NR3C2: variants seen among roughly 807,000 people sequenced by gnomAD.
The protein encoded by NR3C2 is mineralocorticoid receptor.
In NR3C2, 15 loss-of-function variants were observed where a neutral mutation model predicts 86.4. That is an observed-to-expected ratio of 0.17 (90% confidence interval 0.12 to 0.27). NR3C2 has a LOEUF of 0.27. Among genes scored for constraint, NR3C2 ranks in the 10% least tolerant of loss-of-function variants. The pLI, the probability that NR3C2 is intolerant of heterozygous loss-of-function variation, is 1.00. For missense variants in NR3C2, 960 were observed against 1,195.6 expected, an observed-to-expected ratio of 0.80 and a Z score of 2.91; for synonymous variants, 458 against 450.5, an observed-to-expected ratio of 1.02 and a Z score of -0.21.
intron 4 of NR3C2, among the ~76,000 whole-genome samples, chr4:148,159,221 AT>A (rs1463103203): frequency 6.6e-6 from 1 of 152,186 alleles, no homozygotes; most frequent in Non-Finnish European, 1.5e-5. Flanking sequence ...TGTTGAATAA[AT>A]TGACCTTATT....
intron 6 of NR3C2, among the ~76,000 whole-genome samples, chr4:148,122,862 A>C (rs941846934): frequency 5.3e-5 from 8 of 152,164 alleles, no homozygotes; most frequent in Non-Finnish European, 1.2e-4. Context: ...ATTGATTGTA[A>C]AACGTGTGTT....
chr4:148,211,364 G>C (rs748640440), intron 3 of NR3C2, among the ~76,000 whole-genome samples: 2 of 152,206 alleles, frequency 1.3e-5, no homozygotes, highest in African/African-American at 4.8e-5. Context: ...GATCACACGA[G>C]AATCTTTAAA....
chr4:148,196,058 G>A (rs1736427263), intron 3 of NR3C2, among the ~76,000 whole-genome samples: 1 of 152,168 alleles, frequency 6.6e-6, no homozygotes, highest in South Asian at 2.1e-4. Context: ...CCAGGGGTAG[G>A]AGGCAATTAT....
At chr4:148,107,389 CT>C (rs1448163622) in intron 8 of NR3C2, among the ~76,000 whole-genome samples, 1 of 152,206 alleles carries the variant, frequency 6.6e-6, no homozygotes, top group East Asian at 1.9e-4. Context: ...TGCTTTTACA[CT>C]GTTGGTGGGA....
intron 2 of NR3C2, among the ~76,000 whole-genome samples, chr4:148,311,452 A>C (rs779797425): frequency 6.6e-6 from 1 of 152,048 alleles, no homozygotes; most frequent in Non-Finnish European, 1.5e-5. Flanking sequence ...TCTCTCTCAC[A>C]CTTCACATCA....
intron 3 of NR3C2, among the ~76,000 whole-genome samples, chr4:148,222,108 C>G (rs1004794773): frequency 1.3e-5 from 2 of 151,962 alleles, no homozygotes; most frequent in African/African-American, 2.4e-5. Context: ...GTTATTGACA[C>G]CAAAGCAAAT....
chr4:148,117,841 C>T (rs1263241060), intron 7 of NR3C2, among the ~76,000 whole-genome samples: 14 of 152,148 alleles, frequency 9.2e-5, no homozygotes. Context: ...GATCACTGCC[C>T]CTTCTCCCAC....
At chr4:148,294,923 G>C (rs992083778) in intron 2 of NR3C2, among the ~76,000 whole-genome samples, 1 of 152,126 alleles carries the variant, frequency 6.6e-6, no homozygotes, top group Non-Finnish European at 1.5e-5. Flanking sequence ...AGGAGTTCAA[G>C]TTACAATGAG....
intron 2 of NR3C2, among the ~76,000 whole-genome samples, chr4:148,408,635 C>T (rs922705787): frequency 6.6e-6 from 1 of 152,108 alleles, no homozygotes; most frequent in African/African-American, 2.4e-5. Flanking sequence ...TGATGATCAA[C>T]AGGTATCTTT....
At chr4:148,192,808 G>A (rs958857217) in intron 4 of NR3C2, among the ~76,000 whole-genome samples, 1 of 151,922 alleles carries the variant, frequency 6.6e-6, no homozygotes, top group Non-Finnish European at 1.5e-5. Context: ...GCAAACTAAA[G>A]GGCTGGTTTC....
intron 1 of NR3C2, among the ~76,000 whole-genome samples, chr4:148,438,909 C>T (rs138991184): frequency 6.8e-4 from 103 of 152,242 alleles, no homozygotes; most frequent in Non-Finnish European, 1.6e-4. Context: ...AATATCAATG[C>T]TCAATTTCCA....
intron 2 of NR3C2, among the ~76,000 whole-genome samples, chr4:148,270,864 G>T (rs1324119678): frequency 6.6e-6 from 1 of 152,048 alleles, no homozygotes; most frequent in Non-Finnish European, 1.5e-5. Context: ...ACTTTTAACT[G>T]AGCTGCCACA....
At chr4:148,268,946 G>A (rs1208179306) in intron 2 of NR3C2, among the ~76,000 whole-genome samples, 3 of 152,138 alleles carry the variant, frequency 2.0e-5, no homozygotes, top group Non-Finnish European at 1.5e-5. Context: ...CTAGTGAACT[G>A]AAAACTCCAG....
intron 2 of NR3C2, among the ~76,000 whole-genome samples, chr4:148,430,401 G>T (rs1286241966): frequency 1.3e-5 from 2 of 152,044 alleles, no homozygotes. Flanking sequence ...ATAGTGATTT[G>T]TGTATTATAA....
At chr4:148,206,478 T>C (rs1024726469) in intron 3 of NR3C2, among the ~76,000 whole-genome samples, 1 of 152,186 alleles carries the variant, frequency 6.6e-6, no homozygotes, top group African/African-American at 2.4e-5. Context: ...GCCGAGTAGA[T>C]ATTTTCTGCT....
chr4:148,176,587 G>A (rs533901166), intron 4 of NR3C2, among the ~76,000 whole-genome samples: 11 of 152,176 alleles, frequency 7.2e-5, no homozygotes, highest in Middle Eastern at 3.2e-3. Flanking sequence ...AAGAACTCTG[G>A]GGATTTGGGC....
At chr4:148,318,002 T>A (rs570847842) in intron 2 of NR3C2, among the ~76,000 whole-genome samples, 2 of 148,712 alleles carry the variant, frequency 1.3e-5, no homozygotes, top group Admixed American at 1.3e-4. Context: ...ATTAGGTATA[T>A]CTCCCAATGC....
intron 4 of NR3C2, among the ~76,000 whole-genome samples, chr4:148,163,570 G>A (rs1734754876): frequency 1.3e-5 from 2 of 152,022 alleles, no homozygotes; most frequent in African/African-American, 4.8e-5. Context: ...CGTCCTCTGT[G>A]CTCTCTTCTC....
At chr4:148,178,110 G>T (rs1188825780) in intron 4 of NR3C2, among the ~76,000 whole-genome samples, 2 of 152,232 alleles carry the variant, frequency 1.3e-5, no homozygotes, top group African/African-American at 4.8e-5. Context: ...GGCCAAGGCG[G>T]GGGAATCCCT....
Sources: gnomAD v4.1 joint callset for allele counts (sites outside exome capture counted in the v4.1 genomes callset) on GRCh38, gnomAD v4.1.1 for gene constraint, MANE v1.5 for transcripts, NCBI Gene and HGNC (gene_info 2026-07-23, HGNC 2026-07-21) for gene names.